Variants in PRR5 observed in about 807,000 individuals in gnomAD.
PRR5 encodes proline-rich protein 5.
A neutral mutation model predicts 30.6 loss-of-function variants in PRR5; 25 were observed. The ratio of observed to expected loss-of-function variants is 0.82; its 90% CI spans 0.60 to 1.14. The LOEUF is 1.14. Ranked by LOEUF, PRR5 falls within the 50% of genes most tolerant of loss-of-function variation. PRR5 has a pLI of 0.00. For missense variants in PRR5, 600 were observed against 547.1 expected, an observed-to-expected ratio of 1.10 and a Z score of -0.96; for synonymous variants, 286 against 247.1, an observed-to-expected ratio of 1.16 and a Z score of -1.48.
intron 1 of PRR5, among the ~76,000 whole-genome samples, chr22:44,684,226 C>T (rs374877167): frequency 1.3e-5 from 2 of 152,308 alleles, no homozygotes; most frequent in African/African-American, 4.8e-5. Flanking sequence ...CCAGTCTGAT[C>T]CAGCCTCGAG....
chr22:44,724,260 AC>A (rs1930353075), intron 2 of PRR5, among the ~76,000 whole-genome samples: 3 of 152,094 alleles, frequency 2.0e-5, no homozygotes, highest in Admixed American at 2.0e-4. Context: ...ACATGGTGAA[AC>A]CCCGTCTCTA....
intron 2 of PRR5, 144 bp downstream of exon 2, chr22:44,714,815 G>A: frequency 8.5e-7 from 1 of 1,179,400 alleles, no homozygotes; most frequent in Non-Finnish European, 1.2e-6. Flanking sequence ...AGGAGAGCGA[G>A]GCCCAAGTTA....
chr22:44,735,994 GC>G (rs1569115794), intron 7 of PRR5, among the ~76,000 whole-genome samples: 2 of 152,160 alleles, frequency 1.3e-5, no homozygotes, highest in Non-Finnish European at 2.9e-5. Context: ...TCTGGGAAAG[GC>G]CCCTGAGCCG....
chr22:44,712,758 C>T (rs1172341177), intron 1 of PRR5, among the ~76,000 whole-genome samples: 4 of 152,226 alleles, frequency 2.6e-5, no homozygotes, highest in Non-Finnish European at 5.9e-5. Context: ...TGGTGCTGGT[C>T]TGCCATAGGA....
rs1169437987 is a variant in PRR5, at chr22:44,736,853, C to G, written c.773C>G (p.Pro258Arg). 2 of 1,606,804 alleles carry G rather than the reference C, an allele frequency of 1.2e-6. No individual in the cohort carries two copies. Among genetic ancestry groups the G allele is most frequent in the South Asian group, 2.2e-5 (2 of 90,846 alleles). ...GTGCGCTCCAAGAGCTACAACACGC[C>G]TCTGCTGAACCCCGTGCAGGAGCAC... ...PVVRSKSYNT[P>R]LLNPVQEHEA... Residue 258 changes from proline (P) to arginine (R), a missense_variant, in exon 8 of 8, where the codon CCT becomes CGT. Pro to Arg is a moderately radical substitution (Grantham distance 103). Transcript: ENST00000336985.
chr22:44,702,684 G>C (rs1002050295), intron 1 of PRR5, 76 bp downstream of exon 1: 2 of 1,232,452 alleles, frequency 1.6e-6, no homozygotes, highest in Non-Finnish European at 2.0e-6. Flanking sequence ...CGCGGGCTAG[G>C]GGCCGCCCCG....
intron 2 of PRR5, among the ~76,000 whole-genome samples, chr22:44,721,967 G>A (rs566264216): frequency 1.3e-5 from 2 of 152,210 alleles, no homozygotes; most frequent in African/African-American, 2.4e-5. Flanking sequence ...CAGATGCTGC[G>A]TGGACGTGGG....
At chr22:44,708,966 CAAAAAAAAAAAAAAA>C (rs60854330) in intron 1 of PRR5, among the ~76,000 whole-genome samples, 2 of 64,422 alleles carry the variant, frequency 3.1e-5, no homozygotes, top group East Asian at 5.0e-4. Flanking sequence ...GACTCTGTCT[CAAAAAAAAAAAAAAA>C]AAAAAAAAAA....
chr22:44,711,993 TGGG>T (rs1220345516), intron 1 of PRR5, among the ~76,000 whole-genome samples: 1 of 151,808 alleles, frequency 6.6e-6, no homozygotes, highest in Admixed American at 6.6e-5. Context: ...AGTCTGAAAA[TGGG>T]GGCAGGGGGC....
chr22:44,712,845 T>C (rs1222365555), intron 1 of PRR5, among the ~76,000 whole-genome samples: 1 of 152,110 alleles, frequency 6.6e-6, no homozygotes, highest in Non-Finnish European at 1.5e-5. Context: ...GAGGACCTCG[T>C]GGCCAGCAGC....
chr22:44,711,449 G>A (rs766580324), intron 1 of PRR5, among the ~76,000 whole-genome samples: 1 of 152,102 alleles, frequency 6.6e-6, no homozygotes, highest in African/African-American at 2.4e-5. Context: ...AGGGCCACAG[G>A]TCAGAGGGAG....
intron 4 of PRR5, among the ~76,000 whole-genome samples, chr22:44,728,765 C>T (rs1451054686): frequency 6.6e-6 from 1 of 152,208 alleles, no homozygotes; most frequent in African/African-American, 2.4e-5. Flanking sequence ...TGCAGCTGTC[C>T]CTACAGAGCC....
chr22:44,674,542 G>A (rs1364738708), upstream of PRR5, among the ~76,000 whole-genome samples: 4 of 151,848 alleles, frequency 2.6e-5, no homozygotes, highest in Non-Finnish European at 4.4e-5. Context: ...CTAACACGGT[G>A]AAACCCCGTC....
upstream of PRR5, among the ~76,000 whole-genome samples, chr22:44,698,906 G>A (rs1601979935): frequency 6.6e-6 from 1 of 152,272 alleles, no homozygotes; most frequent in East Asian, 1.9e-4. Flanking sequence ...TGTGGCCTCT[G>A]CCTGGGGTTT....
chr22:44,730,009 C>T (rs1921650564), intron 4 of PRR5: 9 of 985,348 alleles, frequency 9.1e-6, no homozygotes, highest in Non-Finnish European at 1.1e-5. Context: ...ACCCTCAGAG[C>T]CAGGTTTGGG....
intron 1 of PRR5, among the ~76,000 whole-genome samples, chr22:44,703,527 C>A (rs1460070201): frequency 6.6e-6 from 1 of 152,184 alleles, no homozygotes; most frequent in Non-Finnish European, 1.5e-5. Context: ...GGGCTGCCAG[C>A]GAGACCCTCT....
intron 2 of PRR5, among the ~76,000 whole-genome samples, chr22:44,724,048 G>C (rs59981884): frequency 3.9e-5 from 6 of 152,160 alleles, no homozygotes; most frequent in African/African-American, 1.4e-4. Context: ...ACTGGAGAGC[G>C]GGCAGCAGAG....
intron 6 of PRR5, among the ~76,000 whole-genome samples, chr22:44,732,882 A>AT (rs1922399388): frequency 6.8e-6 from 1 of 146,910 alleles, no homozygotes. Flanking sequence ...CACTGCACAC[A>AT]CACACCACAC....
intron 1 of PRR5, 109 bp from the exon 2 acceptor site, chr22:44,714,482 A>G: frequency 1.4e-6 from 2 of 1,462,382 alleles, no homozygotes; most frequent in Non-Finnish European, 9.3e-7. Context: ...TCCTGCAGGG[A>G]TGGCTATCCT....
Sources: allele counts gnomAD v4.1 joint callset (sites outside exome capture counted in the v4.1 genomes callset), GRCh38; gene constraint gnomAD v4.1.1; transcripts MANE v1.5; gene names NCBI Gene and HGNC (gene_info 2026-07-23, HGNC 2026-07-21).